Variants in TEK observed in about 807,000 individuals in gnomAD.
The protein encoded by TEK is angiopoietin-1 receptor.
In TEK, 43 loss-of-function variants were observed where a neutral mutation model predicts 131.8. The ratio of observed to expected loss-of-function variants is 0.33; its 90% confidence interval spans 0.26 to 0.42. TEK has a LOEUF of 0.42. Among genes scored for constraint, TEK ranks in the 10% least tolerant of loss-of-function variants. TEK has a pLI of 1.00. For synonymous variants in TEK, 580 were observed against 491.6 expected (o/e 1.18, Z -2.38); for missense variants, 1,162 against 1,384.4 (o/e 0.84, Z 2.55).
intron 1 of TEK, among the ~76,000 whole-genome samples, chr9:27,122,454 A>C (rs746881952): frequency 1.3e-5 from 2 of 152,200 alleles, no homozygotes; most frequent in Non-Finnish European, 2.9e-5. Flanking sequence ...ACTTTTATGC[A>C]GTGGTTTTTG....
intron 1 of TEK, among the ~76,000 whole-genome samples, chr9:27,111,746 A>G (rs1821356773): frequency 7.1e-6 from 1 of 141,190 alleles, no homozygotes; most frequent in African/African-American, 2.6e-5. Flanking sequence ...TCTTCCTCAT[A>G]AAACCAGGCT....
chr9:27,144,769 C>T (rs1822854223), intron 1 of TEK, among the ~76,000 whole-genome samples: 1 of 152,122 alleles, frequency 6.6e-6, no homozygotes, highest in South Asian at 2.1e-4. Flanking sequence ...GGCCTCTGAG[C>T]CCTCTTCCAG....
chr9:27,136,668 A>C (rs913427120), intron 1 of TEK, among the ~76,000 whole-genome samples: 9 of 147,686 alleles, frequency 6.1e-5, no homozygotes, highest in Non-Finnish European at 1.4e-4. Flanking sequence ...GGAGACAAAG[A>C]AGCAGTTTCT....
chr9:27,123,992 G>A (rs1003748665), intron 1 of TEK, among the ~76,000 whole-genome samples: 1 of 152,202 alleles, frequency 6.6e-6, no homozygotes, highest in African/African-American at 2.4e-5. Flanking sequence ...GGTCAGGCTG[G>A]TCTTGAACTC....
intron 1 of TEK, among the ~76,000 whole-genome samples, chr9:27,140,396 G>C (rs202241406): frequency 8.8e-6 from 1 of 113,366 alleles, no homozygotes. Context: ...TAGCAAAAAA[G>C]AAAAAAAAAA....
chr9:27,117,619 A>G (rs148746494), intron 1 of TEK, among the ~76,000 whole-genome samples: 132 of 152,282 alleles, frequency 8.7e-4, no homozygotes, highest in African/African-American at 3.0e-3. Context: ...ACACATCTGC[A>G]TATTAGAGGA....
At chr9:27,211,678 C>T (rs1046929380) in intron 16 of TEK, among the ~76,000 whole-genome samples, 2 of 151,650 alleles carry the variant, frequency 1.3e-5, no homozygotes, top group African/African-American at 4.8e-5. Flanking sequence ...GTATACTGCC[C>T]AAGCTGGTCT....
intron 9 of TEK, among the ~76,000 whole-genome samples, chr9:27,188,541 G>C (rs567598450): frequency 9.7e-4 from 148 of 152,098 alleles, no homozygotes; most frequent in Non-Finnish European, 1.4e-3. Flanking sequence ...AGCATTACTT[G>C]AACAAATTTA....
intron 16 of TEK, among the ~76,000 whole-genome samples, chr9:27,211,668 G>A (rs1189559285): frequency 1.3e-5 from 2 of 151,708 alleles, no homozygotes; most frequent in African/African-American, 4.8e-5. Flanking sequence ...TTAGGTCTCA[G>A]TATACTGCCC....
At chr9:27,203,735 G>A (rs896027940) in intron 13 of TEK, among the ~76,000 whole-genome samples, 1 of 152,248 alleles carries the variant, frequency 6.6e-6, no homozygotes, top group African/African-American at 2.4e-5. Flanking sequence ...CTTCAAGTCT[G>A]TGCAGAGGCA....
chr9:27,205,776 T>A (rs1401277934), intron 14 of TEK, among the ~76,000 whole-genome samples: 1 of 152,208 alleles, frequency 6.6e-6, no homozygotes, highest in African/African-American at 2.4e-5. Context: ...TAAAATTAAT[T>A]TGAACCAGAC....
rs1825263133 is a variant in TEK at position 27,202,709 on chromosome 9, G to A, written c.1910-111G>A. ...ACCAATTGATTGGGGTACCATATGA[G>A]AAAACATTTGTTTGCCTTATATGAG... On this transcript the variant is annotated intron_variant, in intron 12 of 22. Coordinates refer to ENST00000380036, the MANE Select transcript of TEK (RefSeq NM_000459.5). 5.1e-6 allele frequency: 6 copies of A among 1,186,238 alleles called. No homozygotes were observed. The South Asian group carries it at 7.8e-5, about 15-fold the overall frequency. The allele number at this position is 1,186,238 out of a possible 1,614,324, so 73.5% of individuals were successfully genotyped here. A position where few individuals can be genotyped will look rare whatever the true frequency, so the allele number is the denominator to read the frequency against.
At chr9:27,150,882 G>A (rs1396410068) in intron 1 of TEK, among the ~76,000 whole-genome samples, 1 of 152,174 alleles carries the variant, frequency 6.6e-6, no homozygotes, top group East Asian at 1.9e-4. Context: ...TTTGAAGGTG[G>A]CGAGAGGATG....
intron 14 of TEK, among the ~76,000 whole-genome samples, chr9:27,205,821 T>C (rs918543569): frequency 1.3e-5 from 2 of 152,186 alleles, no homozygotes; most frequent in African/African-American, 4.8e-5. Flanking sequence ...TTGAGTGCAA[T>C]GATTCAAATG....
At chr9:27,218,436 A>G (rs998722642) in intron 19 of TEK, among the ~76,000 whole-genome samples, 1 of 152,102 alleles carries the variant, frequency 6.6e-6, no homozygotes, top group African/African-American at 2.4e-5. Flanking sequence ...AGGTTCAGCA[A>G]CTGTTTCCAG....
chr9:27,140,001 A>C (rs1667509046), intron 1 of TEK, among the ~76,000 whole-genome samples: 1 of 152,190 alleles, frequency 6.6e-6, no homozygotes, highest in Non-Finnish European at 1.5e-5. Context: ...ACTTCCCAGT[A>C]ATTTAGCAAT....
intron 1 of TEK, among the ~76,000 whole-genome samples, chr9:27,121,881 A>AT (rs1821805301): frequency 6.6e-6 from 1 of 152,284 alleles, no homozygotes; most frequent in South Asian, 2.1e-4. Context: ...TAACAAAAGC[A>AT]TTTTGGGCGT....
rs151074942 is a variant in TEK at position 27,167,738 on chromosome 9, G to A, written c.365-757G>A. 6.8e-3 allele frequency among the ~76,000 whole-genome samples: 1,038 copies of A among 152,206 alleles called. 6 individuals are homozygous for A. The highest frequency in any genetic ancestry group is 1.0e-2 in the Non-Finnish European group (679 of 68,016). On this transcript the variant is annotated intron_variant, in intron 2 of 22. Transcript: ENST00000380036. ...ATTTTGCTCATTTTATTTGAGCAAC[G>A]CATGGGGCATTCTAAAGCAATTAGA...
intron 6 of TEK, among the ~76,000 whole-genome samples, chr9:27,179,309 G>C (rs1824278773): frequency 6.6e-6 from 1 of 152,072 alleles, no homozygotes; most frequent in Non-Finnish European, 1.5e-5. Context: ...TTTAAAAATA[G>C]TTTCTATTTC....
Sources: gnomAD v4.1 joint callset for allele counts (sites outside exome capture counted in the v4.1 genomes callset) on GRCh38, gnomAD v4.1.1 for gene constraint, MANE v1.5 for transcripts, NCBI Gene and HGNC (gene_info 2026-07-23, HGNC 2026-07-21) for gene names.